NFIL3: variants seen among roughly 807,000 people sequenced by gnomAD.
NFIL3 encodes the protein nuclear factor, interleukin 3 regulated, also known as nuclear factor interleukin-3-regulated protein.
In NFIL3, 5 loss-of-function variants were observed where a neutral mutation model predicts 10.0. The observed-to-expected ratio is 0.50, with a 90% CI of 0.26 to 1.06. The LOEUF (loss-of-function observed/expected upper bound fraction) is 1.06. Among genes scored for constraint, NFIL3 ranks in the 50% least tolerant of loss-of-function variants. The probability of loss-of-function intolerance (pLI) is 0.13; values close to 1 mark genes in which losing one functional copy is unlikely to be tolerated. For missense variants in NFIL3, 436 were observed against 547.6 expected, an observed-to-expected ratio of 0.80 and a Z score of 2.03; for synonymous variants, 202 against 206.5, an observed-to-expected ratio of 0.98 and a Z score of 0.19.
At chr9:91,419,782 C>T (rs116881427) in intron 1 of NFIL3, among the ~76,000 whole-genome samples, 1 of 152,310 alleles carries the variant, frequency 6.6e-6, no homozygotes, top group East Asian at 1.9e-4. Context: ...CTATCAGTTC[C>T]AGGCTGTTTT....
At chr9:91,445,268 G>C in the NFIL3 span, among the ~76,000 whole-genome samples, 1 of 152,192 alleles carries the variant, frequency 6.6e-6, no homozygotes, top group Non-Finnish European at 1.5e-5. Flanking sequence ...TGAGGGATGA[G>C]ATACCACACA....
chr9:91,480,387 G>A, the NFIL3 span, among the ~76,000 whole-genome samples: 2 of 152,062 alleles, frequency 1.3e-5, no homozygotes, highest in Non-Finnish European at 2.9e-5. Flanking sequence ...ACCCAAGAGA[G>A]CATAAACATG....
the NFIL3 span, among the ~76,000 whole-genome samples, chr9:91,469,966 C>T: frequency 2.0e-5 from 3 of 152,162 alleles, no homozygotes; most frequent in Non-Finnish European, 2.9e-5. Context: ...CATTGATGTT[C>T]ATCAGGGATA....
At chr9:91,483,173 G>C in the NFIL3 span, among the ~76,000 whole-genome samples, 1 of 152,150 alleles carries the variant, frequency 6.6e-6, no homozygotes, top group South Asian at 2.1e-4. Context: ...TTGGCTGTGG[G>C]TGGAGAAGCT....
At chr9:91,443,819 C>G in the NFIL3 span, among the ~76,000 whole-genome samples, 2 of 152,236 alleles carry the variant, frequency 1.3e-5, no homozygotes, top group Non-Finnish European at 1.5e-5. Context: ...GCACCTCCCC[C>G]ACTGCAGCTG....
chr9:91,465,394 G>A, the NFIL3 span, among the ~76,000 whole-genome samples: 1 of 151,894 alleles, frequency 6.6e-6, no homozygotes, highest in Non-Finnish European at 1.5e-5. Context: ...CCCTTCAAAG[G>A]GATTCTTCAT....
At chr9:91,441,884 T>C in the NFIL3 span, among the ~76,000 whole-genome samples, 4 of 152,222 alleles carry the variant, frequency 2.6e-5, no homozygotes, top group Non-Finnish European at 5.9e-5. Flanking sequence ...TTTTGACTGT[T>C]TTGACTTTTA....
chr9:91,436,293 T>C, the NFIL3 span, among the ~76,000 whole-genome samples: 1 of 152,088 alleles, frequency 6.6e-6, no homozygotes, highest in Admixed American at 6.6e-5. Flanking sequence ...GATTTGAAGG[T>C]GGGGCCGGGC....
chr9:91,417,485 G>A (rs1394360197), intron 1 of NFIL3, among the ~76,000 whole-genome samples: 1 of 152,094 alleles, frequency 6.6e-6, no homozygotes, highest in African/African-American at 2.4e-5. Flanking sequence ...CTTCCTGTGG[G>A]TAAAATTCAC....
chr9:91,453,969 C>T, the NFIL3 span, among the ~76,000 whole-genome samples: 2 of 152,024 alleles, frequency 1.3e-5, no homozygotes, highest in African/African-American at 4.8e-5. Flanking sequence ...CACAGTGGCT[C>T]ATGCCTGTAG....
At chr9:91,468,614 T>C in the NFIL3 span, among the ~76,000 whole-genome samples, 1 of 152,332 alleles carries the variant, frequency 6.6e-6, no homozygotes, top group East Asian at 1.9e-4. Context: ...TCCTTGCCCA[T>C]GCCTATGTCC....
At chr9:91,455,205 T>A in the NFIL3 span, among the ~76,000 whole-genome samples, 1 of 152,188 alleles carries the variant, frequency 6.6e-6, no homozygotes, top group African/African-American at 2.4e-5. Context: ...GGGAGATATT[T>A]GAGACTATGT....
the NFIL3 span, among the ~76,000 whole-genome samples, chr9:91,481,273 G>A: frequency 6.6e-6 from 1 of 152,002 alleles, no homozygotes; most frequent in Non-Finnish European, 1.5e-5. Context: ...ATAAAAAAAT[G>A]GGAAAACACA....
chr9:91,482,344 A>G, the NFIL3 span, among the ~76,000 whole-genome samples: 10 of 151,858 alleles, frequency 6.6e-5, no homozygotes, highest in Non-Finnish European at 1.5e-4. Context: ...GCCTCTGGTT[A>G]TATGAATGTG....
upstream of NFIL3, among the ~76,000 whole-genome samples, chr9:91,424,752 C>T (rs551281464): frequency 6.6e-6 from 1 of 152,366 alleles, no homozygotes; most frequent in Admixed American, 6.5e-5. Context: ...GGTCCGCGCT[C>T]GGGTGCCCCC....
At chr9:91,436,491 T>A in the NFIL3 span, among the ~76,000 whole-genome samples, 15 of 152,094 alleles carry the variant, frequency 9.9e-5, 1 homozygote, top group African/African-American at 3.6e-4. Context: ...GGCAGGAGAA[T>A]GGCGTGAATC....
the NFIL3 span, among the ~76,000 whole-genome samples, chr9:91,443,408 A>G: frequency 6.6e-6 from 1 of 152,258 alleles, no homozygotes; most frequent in East Asian, 1.9e-4. Flanking sequence ...CCTGCCACCA[A>G]TCATGTTGTC....
chr9:91,459,291 A>G, the NFIL3 span, among the ~76,000 whole-genome samples: 1 of 152,188 alleles, frequency 6.6e-6, no homozygotes, highest in African/African-American at 2.4e-5. Context: ...GTGCTCAGTG[A>G]AGCCCATCAT....
chr9:91,449,344 G>A, the NFIL3 span, among the ~76,000 whole-genome samples: 9 of 152,058 alleles, frequency 5.9e-5, no homozygotes, highest in East Asian at 1.9e-4. Flanking sequence ...CGGGTTTTTC[G>A]TAAATGCTCT....
Sources: gnomAD v4.1 joint callset for allele counts (sites outside exome capture counted in the v4.1 genomes callset) on GRCh38, gnomAD v4.1.1 for gene constraint, MANE v1.5 for transcripts, NCBI Gene and HGNC (gene_info 2026-07-23, HGNC 2026-07-21) for gene names.